The following PTPRD variants were observed in gnomAD, a reference collection of about 807,000 sequenced individuals.
PTPRD encodes the protein receptor-type tyrosine-protein phosphatase delta.
In PTPRD, 34 loss-of-function variants were observed where a neutral mutation model predicts 214.5. The observed-to-expected ratio is 0.16, with a 90% CI of 0.12 to 0.21. The LOEUF (loss-of-function observed/expected upper bound fraction) is 0.21, where lower values mean the gene tolerates loss of function less well. Ranked by LOEUF, PTPRD falls within the 10% of genes least tolerant of loss-of-function variation. The pLI, the probability that PTPRD is intolerant of heterozygous loss-of-function variation, is 1.00. For synonymous variants in PTPRD, 1,128 were observed against 845.7 expected (o/e 1.33, Z -5.79); for missense variants, 2,545 against 2,398.7 (o/e 1.06, Z -1.27).
rs916606857 is a variant in PTPRD at position 9,439,293 on chromosome 9, T to A, written c.-236-41811A>T. On this transcript the variant is annotated intron_variant, in intron 8 of 45. Coordinates refer to ENST00000381196, the MANE Select transcript of PTPRD (RefSeq NM_002839.4). ...TCTTAGGGTACAGCACCCCACTTAT[T>A]AGAAAATTCATTCATGCATAACATA... is the stretch of plus-strand genomic sequence containing the variant. 1.4e-4 allele frequency among the ~76,000 whole-genome samples: 21 copies of A among 152,254 alleles called. 1 individual carries two copies. In the South Asian group the frequency reaches 4.4e-3, roughly 32 times the overall value.
intron 23 of PTPRD, among the ~76,000 whole-genome samples, chr9:8,504,057 G>A (rs1414532861): frequency 6.6e-6 from 1 of 152,168 alleles, no homozygotes; most frequent in Non-Finnish European, 1.5e-5. Flanking sequence ...TGTAGGAAGT[G>A]GGAAGGTGGG....
intron 3 of PTPRD, among the ~76,000 whole-genome samples, chr9:10,099,536 A>G (rs983255166): frequency 1.3e-5 from 2 of 151,836 alleles, no homozygotes; most frequent in Admixed American, 6.6e-5. Context: ...GAAATTTGCA[A>G]TTAACTGAAT....
At chr9:9,063,099 G>C (rs1021388722) in intron 10 of PTPRD, among the ~76,000 whole-genome samples, 4 of 152,078 alleles carry the variant, frequency 2.6e-5, no homozygotes, top group Middle Eastern at 3.2e-3. Flanking sequence ...GTGTGTGAGA[G>C]GAATGAACAT....
intron 7 of PTPRD, among the ~76,000 whole-genome samples, chr9:9,696,994 TA>T (rs1258254250): frequency 6.6e-6 from 1 of 152,074 alleles, no homozygotes; most frequent in Non-Finnish European, 1.5e-5. Context: ...CAAAAACATA[TA>T]AAAATTTTAT....
intron 11 of PTPRD, among the ~76,000 whole-genome samples, chr9:8,837,112 G>A (rs928227578): frequency 1.4e-5 from 2 of 145,386 alleles, no homozygotes; most frequent in South Asian, 2.3e-4. Context: ...TCCAACCTCC[G>A]CCTTCCAGGT....
At chr9:9,606,033 A>G (rs1388402685) in intron 7 of PTPRD, among the ~76,000 whole-genome samples, 2 of 151,994 alleles carry the variant, frequency 1.3e-5, no homozygotes, top group African/African-American at 4.8e-5. Flanking sequence ...AAATGCTTCA[A>G]AACTGTTCCA....
intron 10 of PTPRD, among the ~76,000 whole-genome samples, chr9:9,032,147 A>C (rs758304981): frequency 6.6e-6 from 1 of 151,864 alleles, no homozygotes; most frequent in Non-Finnish European, 1.5e-5. Flanking sequence ...TGTGGGTTGT[A>C]GGAGATGAGA....
chr9:10,420,945 G>T (rs887952891), intron 2 of PTPRD, among the ~76,000 whole-genome samples: 4 of 151,610 alleles, frequency 2.6e-5, no homozygotes, highest in African/African-American at 9.7e-5. Context: ...TCACTGAGGA[G>T]GCCAATGTGC....
At chr9:8,527,657 T>C (rs773140560) in intron 15 of PTPRD, among the ~76,000 whole-genome samples, 2 of 152,084 alleles carry the variant, frequency 1.3e-5, no homozygotes. Context: ...AATGTCAAAG[T>C]AAACAGCTTA....
At chr9:9,492,681 A>G (rs1302905500) in intron 8 of PTPRD, among the ~76,000 whole-genome samples, 4 of 151,582 alleles carry the variant, frequency 2.6e-5, no homozygotes. Context: ...GTACAGGCAT[A>G]CCTTGTTTTA....
At chr9:9,111,411 T>C (rs918324601) in intron 10 of PTPRD, among the ~76,000 whole-genome samples, 14 of 151,616 alleles carry the variant, frequency 9.2e-5, no homozygotes, top group Non-Finnish European at 2.1e-4. Flanking sequence ...TCCTAGATGG[T>C]TTTTCTGTGC....
At chr9:9,822,200 C>G (rs2051002721) in intron 5 of PTPRD, among the ~76,000 whole-genome samples, 2 of 150,458 alleles carry the variant, frequency 1.3e-5, no homozygotes, top group South Asian at 4.2e-4. Flanking sequence ...ATCATGAGGT[C>G]AAGAGATCAA....
chr9:9,974,152 A>G (rs7873526), intron 4 of PTPRD, among the ~76,000 whole-genome samples: 38,168 of 152,166 alleles, frequency 0.25, 6,376 homozygotes, highest in African/African-American at 0.48. Flanking sequence ...CTCAATTTCT[A>G]TTCTATGTAT....
At chr9:10,508,717 T>A (rs12002931) in intron 2 of PTPRD, among the ~76,000 whole-genome samples, 19,471 of 151,990 alleles carry the variant, frequency 0.13, 1,900 homozygotes, top group African/African-American at 0.28. Context: ...ACACCGCATG[T>A]TCTCACTCAT....
At chr9:9,363,550 G>T (rs1007284211) in intron 9 of PTPRD, among the ~76,000 whole-genome samples, 1 of 151,262 alleles carries the variant, frequency 6.6e-6, no homozygotes, top group African/African-American at 2.4e-5. Flanking sequence ...AGCTTTTAGG[G>T]GACTGAGATT....
intron 5 of PTPRD, among the ~76,000 whole-genome samples, chr9:9,840,244 G>C (rs1022535794): frequency 6.6e-6 from 1 of 151,836 alleles, no homozygotes; most frequent in Non-Finnish European, 1.5e-5. Flanking sequence ...TAAACTCCTG[G>C]CCTCAAGCGA....
At chr9:8,481,777 C>CTATTT (rs1555111313) in intron 30 of PTPRD, among the ~76,000 whole-genome samples, 1 of 151,266 alleles carries the variant, frequency 6.6e-6, no homozygotes, top group Non-Finnish European at 1.5e-5. Context: ...TATCTATAAT[C>CTATTT]TGTTTTGTTT....
chr9:9,332,038 C>T (rs1042254613), intron 9 of PTPRD, among the ~76,000 whole-genome samples: 3 of 151,994 alleles, frequency 2.0e-5, no homozygotes, highest in Admixed American at 1.3e-4. Flanking sequence ...TCCCTCTCTG[C>T]GGAGTCTGCA....
Position 8,376,069 on chromosome 9 carries a change from C to G in PTPRD, c.4528G>C (p.Glu1510Gln). Residue 1510 changes from glutamate to glutamine, a missense_variant, in exon 39 of 46, where the codon GAA becomes CAA. Coordinates refer to ENST00000381196, the MANE Select transcript of PTPRD (RefSeq NM_002839.4). ...LYKNGSSEKR[E>Q]VRQFQFTAWP... ...GCGGTGAACTGGAATTGTCTCACTT[C>G]TCTCTTCTCACTTGAACCATTCTGT... 1 of 1,612,792 alleles carries G rather than the reference C, an allele frequency of 6.2e-7. No homozygotes were observed. The highest frequency in any genetic ancestry group is 8.5e-7 in the Non-Finnish European group (1 of 1,179,174).
Sources: allele counts gnomAD v4.1 joint callset (sites outside exome capture counted in the v4.1 genomes callset), GRCh38; gene constraint gnomAD v4.1.1; transcripts MANE v1.5; gene names NCBI Gene and HGNC (gene_info 2026-07-23, HGNC 2026-07-21).